Variants in TEX22 observed in about 807,000 individuals in gnomAD.
TEX22 encodes testis expressed 22.
In TEX22, 16 loss-of-function variants were observed where a neutral mutation model predicts 11.3. The observed-to-expected ratio is 1.42, with a 90% CI of 0.96 to 2.15. The LOEUF (loss-of-function observed/expected upper bound fraction) is 2.15. Ranked by LOEUF, TEX22 falls within the 30% of genes most tolerant of loss-of-function variation. The probability of loss-of-function intolerance (pLI) is 0.00; values close to 1 mark genes in which losing one functional copy is unlikely to be tolerated. For synonymous variants in TEX22, 97 were observed against 92.3 expected, an observed-to-expected ratio of 1.05 and a Z score of -0.29; for missense variants, 220 against 208.6, an observed-to-expected ratio of 1.05 and a Z score of -0.34.
In TEX22 at chr14:105,409,454, G is replaced by A. The variant is rs148907659; in HGVS notation, c.151-1914G>A. On this transcript the variant is annotated intron_variant, in intron 2 of 3. Transcript: ENST00000451127. Reference sequence around the variant, plus strand: ...TTTGTCCATCACCTTCTAGCTTGCAGCGCTGCTGTGTGGTGGTGCCCTAGA... The same window carrying A: ...TTTGTCCATCACCTTCTAGCTTGCAACGCTGCTGTGTGGTGGTGCCCTAGA... Among the ~76,000 whole-genome samples, 1,089 of 151,886 alleles carry A rather than the reference G, an allele frequency of 7.2e-3. 15 individuals are homozygous for A. Among genetic ancestry groups the A allele is most frequent in the African/African-American group, 0.025 (1,023 of 41,428 alleles).
In TEX22 at chr14:105,411,869, C is replaced by G; in HGVS notation, c.*36C>G. On this transcript the variant is annotated 3_prime_UTR_variant, in exon 4 of 4. Coordinates refer to ENST00000451127, the MANE Select transcript of TEX22 (RefSeq NM_001195082.2). ...CAGCCCATTGTCTGTCTTCCAGTGC[C>G]TTTCCTTGGGGGCCCACGGTGGGGG... The G allele has an allele frequency of 1.5e-6, 2 of 1,374,950 alleles. No individual in the cohort carries two copies. The highest frequency in any genetic ancestry group is 1.9e-6 in the Non-Finnish European group (2 of 1,061,592). 85.2% of individuals were successfully genotyped at this position (1,374,950 alleles called of 1,614,324 possible).
At chr14:105,410,747 C>A (rs905483864) in intron 2 of TEX22, among the ~76,000 whole-genome samples, 1 of 152,118 alleles carries the variant, frequency 6.6e-6, no homozygotes, top group Non-Finnish European at 1.5e-5. Flanking sequence ...CTGGAGGAAC[C>A]GTCTCCTGCA....
At chr14:105,400,491 G>T (rs1421362919) in intron 2 of TEX22, among the ~76,000 whole-genome samples, 1 of 152,190 alleles carries the variant, frequency 6.6e-6, no homozygotes, top group Admixed American at 6.5e-5. Flanking sequence ...GGGCCAGGGG[G>T]TGTGAGGCTT....
At chr14:105,399,514 G>C in intron 2 of TEX22, 24 bp downstream of exon 2, 2 of 1,517,116 alleles carry the variant, frequency 1.3e-6, no homozygotes, top group Non-Finnish European at 1.8e-6. Flanking sequence ...AACCCTGGCC[G>C]AGGCTACTCT....
chr14:105,409,028 A>G (rs1204836223), intron 2 of TEX22, among the ~76,000 whole-genome samples: 5 of 146,304 alleles, frequency 3.4e-5, no homozygotes, highest in African/African-American at 1.3e-4. Flanking sequence ...ACCTTCCAAC[A>G]AATCTAGGAC....
Position 105,411,876 on chromosome 14 carries a change from TG to T in TEX22, c.*48del. The T allele has an allele frequency of 2.2e-6, 3 of 1,376,954 alleles. No individual in the cohort carries two copies. The South Asian group carries it at 4.7e-5, about 21-fold the overall frequency. The allele number at this position is 1,376,954 out of a possible 1,614,324, so 85.3% of individuals were successfully genotyped here. ...TTGTCTGTCTTCCAGTGCCTTTCCTTGGGGGCCCACGGTGGGGGCAGCCTCT... is the reference window on the plus strand; with the variant it reads ...TTGTCTGTCTTCCAGTGCCTTTCCTTGGGGCCCACGGTGGGGGCAGCCTCT... On this transcript the variant is annotated 3_prime_UTR_variant, in exon 4 of 4. Coordinates refer to ENST00000451127, the MANE Select transcript of TEX22 (RefSeq NM_001195082.2).
At chr14:105,402,483 G>T (rs138130984) in intron 2 of TEX22, among the ~76,000 whole-genome samples, 484 of 152,130 alleles carry the variant, frequency 3.2e-3, no homozygotes, top group African/African-American at 0.011. Flanking sequence ...GGCCGGGTGT[G>T]GTGGCTCACG....
chr14:105,399,365 C>CG lies in TEX22; in HGVS notation c.30dup (p.Lys11GlufsTer129). ...GATGGACAGCAGGAAACTGTCCCCC[C>CG]GGGGGAAGAAGCTGGAGTCGCACCT... is the stretch of plus-strand genomic sequence containing the variant. On this transcript the variant is annotated frameshift_variant, in exon 2 of 4. Coordinates refer to ENST00000451127, the MANE Select transcript of TEX22 (RefSeq NM_001195082.2). LOFTEE classifies it high-confidence loss of function. 6.5e-7 allele frequency: 1 copy of CG among 1,535,748 alleles called. No homozygotes were observed. Among genetic ancestry groups the CG allele is most frequent in the Non-Finnish European group, 8.7e-7 (1 of 1,146,760 alleles).
chr14:105,413,167 A>T lies in TEX22; in HGVS notation c.*1334A>T, dbSNP rs1257831336. The T allele has an allele frequency of 6.6e-6, 1 of 152,298 alleles. No homozygotes were observed. Among genetic ancestry groups the T allele is most frequent in the African/African-American group, 2.4e-5 (1 of 41,422 alleles). 9.4% of individuals were successfully genotyped at this position (152,298 alleles called of 1,614,324 possible). A position where few individuals can be genotyped will look rare whatever the true frequency, so the allele number is the denominator to read the frequency against. On this transcript the variant is annotated 3_prime_UTR_variant, in exon 4 of 4. Transcript: ENST00000451127. This position sits in a 1 kb window ranked among gnomAD's most constrained non-coding sequence, Gnocchi z 4.2. ...CTGCATTTCTCAGGAGCCCTAGGGT[A>T]GGTGGATGGAGGGCAGATCCTCCAG...
rs1416815598 is a variant in TEX22 at position 105,411,362 on chromosome 14, C to G, written c.151-6C>G. 7 of 1,331,470 alleles carry G rather than the reference C, an allele frequency of 5.3e-6. No homozygotes were observed. In the African/African-American group the frequency reaches 1.1e-4, roughly 20 times the overall value. 82.5% of individuals were successfully genotyped at this position (1,331,470 alleles called of 1,614,324 possible). On this transcript the variant is annotated splice_region_variant and splice_polypyrimidine_tract_variant and intron_variant, in intron 2 of 3. Transcript: ENST00000451127. ...GCCCTCGCCGACCCGCTGCCCTGTC[C>G]CCCAGGTGTGCGAGCCGCCGGAACG...
chr14:105,401,030 CATAGAT>C (rs2081623685), intron 2 of TEX22, among the ~76,000 whole-genome samples: 1 of 152,186 alleles, frequency 6.6e-6, no homozygotes, highest in African/African-American at 2.4e-5. Context: ...TACCTGTGGG[CATAGAT>C]TGAAAAATCC....
chr14:105,402,560 C>A (rs189051448), intron 2 of TEX22, among the ~76,000 whole-genome samples: 1 of 151,692 alleles, frequency 6.6e-6, no homozygotes, highest in East Asian at 1.9e-4. Context: ...CAAGACCATC[C>A]TGGCTAACAC....
intron 2 of TEX22, among the ~76,000 whole-genome samples, chr14:105,401,532 T>C (rs1183698796): frequency 1.6e-5 from 2 of 124,898 alleles, no homozygotes; most frequent in Non-Finnish European, 3.1e-5. Context: ...AATTGAACAA[T>C]GACAACACTT....
At chr14:105,402,530 A>ATG (rs2081634392) in intron 2 of TEX22, among the ~76,000 whole-genome samples, 1 of 150,754 alleles carries the variant, frequency 6.6e-6, no homozygotes, top group Non-Finnish European at 1.5e-5. Context: ...TGGGGCGGGC[A>ATG]GATCACAAGG....
chr14:105,411,761 G>A lies in TEX22; in HGVS notation c.381G>A (p.Gln127=). The A allele has an allele frequency of 6.6e-7, 1 of 1,512,704 alleles. No homozygotes were observed. The highest frequency in any genetic ancestry group is 8.8e-7 in the Non-Finnish European group (1 of 1,135,022). The allele number at this position is 1,512,704 out of a possible 1,614,324, so 93.7% of individuals were successfully genotyped here. A position where few individuals can be genotyped will look rare whatever the true frequency, so the allele number is the denominator to read the frequency against. ...CCACCGAGTCCACCAACGCCTTCCA[G>A]GCCTTCCTGGCGCGCAGTGCGCCTT... The part of the protein sequence containing the change: ...LRSTESTNAF[Q]AFLARSAPFW... The change falls in exon 4 of 4, where the codon CAG becomes CAA. Residue 127 remains glutamine (Q), a synonymous_variant. Transcript: ENST00000451127.
intron 2 of TEX22, among the ~76,000 whole-genome samples, chr14:105,405,887 G>A (rs1282626006): frequency 6.6e-6 from 1 of 152,250 alleles, no homozygotes; most frequent in Non-Finnish European, 1.5e-5. Flanking sequence ...GGCCTGGCTT[G>A]TCCGCACCAG....
chr14:105,405,990 T>C (rs1325695444), intron 2 of TEX22, among the ~76,000 whole-genome samples: 1 of 152,180 alleles, frequency 6.6e-6, no homozygotes, highest in Non-Finnish European at 1.5e-5. Context: ...TGTGCATAAA[T>C]GTGGGGATTT....
rs2081700966 is a variant in TEX22, at chr14:105,412,574, G to A, written c.*741G>A. 6.6e-6 allele frequency: 1 copy of A among 152,422 alleles called. No homozygotes were observed. Among genetic ancestry groups the A allele is most frequent in the African/African-American group, 2.4e-5 (1 of 41,528 alleles). 9.4% of individuals were successfully genotyped at this position (152,422 alleles called of 1,614,324 possible). A position where few individuals can be genotyped will look rare whatever the true frequency, so the allele number is the denominator to read the frequency against. ...TGACTGCCTCGTTTCCAGGCTGCAGGGCCCTCGGAAGGGTGCTGAGCCGGG... is the reference window on the plus strand; with the variant it reads ...TGACTGCCTCGTTTCCAGGCTGCAGAGCCCTCGGAAGGGTGCTGAGCCGGG... On this transcript the variant is annotated 3_prime_UTR_variant, in exon 4 of 4. Coordinates refer to ENST00000451127, the MANE Select transcript of TEX22 (RefSeq NM_001195082.2). The surrounding 1 kb of genome is among the most constrained non-coding windows in gnomAD (Gnocchi z 5.8).
At chr14:105,411,320 G>T in intron 2 of TEX22, 48 bp from the exon 3 acceptor site, 1 of 1,265,192 alleles carries the variant, frequency 7.9e-7, no homozygotes, top group South Asian at 2.5e-5. Context: ...GAGCGGCGAA[G>T]GGGAGCTGGC....
Sources: gnomAD v4.1 joint callset for allele counts (sites outside exome capture counted in the v4.1 genomes callset) on GRCh38, gnomAD v4.1.1 for gene constraint, Gnocchi (gnomAD v3.1) non-coding constraint, MANE v1.5 for transcripts, NCBI Gene and HGNC (gene_info 2026-07-23, HGNC 2026-07-21) for gene names.